GALNT12: variants seen among roughly 807,000 people sequenced by gnomAD.
GALNT12 encodes UDP-GalNAc:polypeptide N-acetylgalactosaminyltransferase 12.
Under a neutral mutation model 55.5 loss-of-function variants are expected in GALNT12, and 45 were observed. The ratio of observed to expected loss-of-function variants is 0.81; its 90% CI spans 0.64 to 1.04. The LOEUF (loss-of-function observed/expected upper bound fraction) is 1.04. Ranked by LOEUF, GALNT12 falls within the 50% of genes least tolerant of loss-of-function variation. The probability of loss-of-function intolerance (pLI) is 0.00; values close to 1 mark genes in which losing one functional copy is unlikely to be tolerated. For synonymous variants in GALNT12, 304 were observed against 312.2 expected (o/e 0.97, Z 0.28); for missense variants, 709 against 754.8 (o/e 0.94, Z 0.71).
chr9:98,809,642 A>G (rs1238191795), intron 1 of GALNT12, among the ~76,000 whole-genome samples: 1 of 152,240 alleles, frequency 6.6e-6, no homozygotes, highest in African/African-American at 2.4e-5. Context: ...GAATTAATAA[A>G]GCATCAATAC....
At chr9:98,843,492 C>T (rs1409898283) in intron 7 of GALNT12, among the ~76,000 whole-genome samples, 3 of 151,910 alleles carry the variant, frequency 2.0e-5, no homozygotes, top group Non-Finnish European at 4.4e-5. Context: ...CTGCAACCTC[C>T]GTCTTCTGGG....
intron 8 of GALNT12, 129 bp from the exon 9 acceptor site, chr9:98,845,848 C>A: frequency 1.1e-6 from 1 of 900,986 alleles, no homozygotes. Flanking sequence ...CACACAGGCT[C>A]GTGTTGGTGG....
chr9:98,843,972 T>C, intron 7 of GALNT12, 124 bp from the exon 8 acceptor site: 2 of 716,532 alleles, frequency 2.8e-6, no homozygotes, highest in Non-Finnish European at 5.1e-6. Flanking sequence ...AAAAGACTCT[T>C]ACCTTTGCGT....
intron 8 of GALNT12, among the ~76,000 whole-genome samples, chr9:98,845,718 G>T (rs761683266): frequency 6.6e-6 from 1 of 152,098 alleles, no homozygotes; most frequent in Non-Finnish European, 1.5e-5. Context: ...GAGGTGACAT[G>T]CACCAGCCCT....
intron 7 of GALNT12, 152 bp downstream of exon 7, chr9:98,840,285 C>A: frequency 1.2e-6 from 1 of 859,960 alleles, no homozygotes. Flanking sequence ...TTTTTATCCA[C>A]TGCCCTTCTT....
chr9:98,846,531 C>T (rs1836418060), intron 9 of GALNT12, among the ~76,000 whole-genome samples: 2 of 152,082 alleles, frequency 1.3e-5, no homozygotes, highest in South Asian at 4.2e-4. Flanking sequence ...ATAAGCCACC[C>T]CACCTCTCTA....
At chr9:98,845,867 G>T in intron 8 of GALNT12, 110 bp from the exon 9 acceptor site, 3 of 1,156,520 alleles carry the variant, frequency 2.6e-6, no homozygotes, top group East Asian at 2.6e-5. Context: ...GGTGACGCAG[G>T]TGCATGACCC....
chr9:98,848,099 G>A (rs1421933328), intron 9 of GALNT12, among the ~76,000 whole-genome samples: 1 of 152,200 alleles, frequency 6.6e-6, no homozygotes. Flanking sequence ...ACAGGCGTGA[G>A]CTACTGTGCC....
chr9:98,812,967 T>G (rs1835525694), intron 1 of GALNT12, among the ~76,000 whole-genome samples: 1 of 152,262 alleles, frequency 6.6e-6, no homozygotes, highest in South Asian at 2.1e-4. Flanking sequence ...CTCCAATATT[T>G]TAATTCTGTC....
intron 2 of GALNT12, among the ~76,000 whole-genome samples, chr9:98,825,024 G>C (rs868823973): frequency 2.0e-5 from 3 of 152,170 alleles, no homozygotes; most frequent in Admixed American, 1.3e-4. Context: ...CTTGGCTTCA[G>C]CCTCTATAAA....
At chr9:98,837,497 C>T (rs74974526) in intron 6 of GALNT12, among the ~76,000 whole-genome samples, 3,985 of 152,244 alleles carry the variant, frequency 0.026, 66 homozygotes, top group Middle Eastern at 0.034. Context: ...TTCAAAGACA[C>T]CTGTTTAACA....
At chr9:98,829,160 T>TCTAC (rs1835933720) in intron 3 of GALNT12, among the ~76,000 whole-genome samples, 1 of 133,596 alleles carries the variant, frequency 7.5e-6, no homozygotes, top group African/African-American at 2.7e-5. Flanking sequence ...TTTTTATCTA[T>TCTAC]CTATCTATCT....
Position 98,831,861 on chromosome 9 carries a change from C to A in GALNT12, c.821C>A (p.Pro274His), listed in dbSNP as rs1239107738. The change falls in exon 4 of 10, where the codon CCC becomes CAC. Residue 274 changes from proline (P) to histidine (H), a missense_variant. Pro to His is a moderately conservative substitution (Grantham distance 77). Transcript: ENST00000375011. ...TFEYLGNSGE[P>H]QIGGFDWRLV... ...GAATACCTGGGGAACTCCGGGGAGC[C>A]CCAGATCGGCGGTTTCGACTGGAGG... 5 of 1,614,152 alleles carry A rather than the reference C, an allele frequency of 3.1e-6. No individual in the cohort carries two copies. In the East Asian group the frequency reaches 1.1e-4, roughly 36 times the overall value.
At chr9:98,841,939 A>G (rs1489031959) in intron 7 of GALNT12, among the ~76,000 whole-genome samples, 1 of 152,008 alleles carries the variant, frequency 6.6e-6, no homozygotes, top group Non-Finnish European at 1.5e-5. Context: ...CAGCCTCCCA[A>G]ACTATTGGGA....
chr9:98,833,902 T>G (rs998087879), intron 4 of GALNT12, among the ~76,000 whole-genome samples: 1 of 152,070 alleles, frequency 6.6e-6, no homozygotes, highest in African/African-American at 2.4e-5. Flanking sequence ...TGTGCCTCAG[T>G]TATCTCATCT....
intron 7 of GALNT12, 66 bp downstream of exon 7, chr9:98,840,199 T>C: frequency 6.2e-7 from 1 of 1,603,986 alleles, no homozygotes; most frequent in Non-Finnish European, 8.5e-7. Flanking sequence ...GCTCTGCAAA[T>C]CCTGGGCAAG....
rs1835868057 is a variant in GALNT12, at chr9:98,826,821, A to G, written c.611A>G (p.Lys204Arg). The G allele has an allele frequency of 1.2e-6, 2 of 1,612,172 alleles. No homozygotes were observed. The highest frequency in any genetic ancestry group is 1.9e-4 in the Middle Eastern group (1 of 5,398). ...AAGGTGCGCCTGATCCGCGCCAACA[A>G]GAGAGAGGGCCTGGTGCGAGCCCGG... ...LPKVRLIRAN[K>R]REGLVRARLL... The change falls in exon 3 of 10, where the codon AAG becomes AGG. Residue 204 changes from lysine (K) to arginine (R), a missense_variant. By Grantham distance (26) the Lys-to-Arg change is conservative. Transcript: ENST00000375011.
chr9:98,849,327 A>G lies in GALNT12; in HGVS notation c.*235A>G, dbSNP rs943838470. ...CAAAATACCCTATTTTCAAAGGGTA[A>G]TCGTAAGATGTTAACCCTTGGTATT... On this transcript the variant is annotated 3_prime_UTR_variant, in exon 10 of 10. Transcript: ENST00000375011. 23 of 602,394 alleles carry G rather than the reference A, an allele frequency of 3.8e-5. 1 individual carries two copies. Among genetic ancestry groups the G allele is most frequent in the Admixed American group, 2.4e-4 (8 of 33,664 alleles). 37.3% of individuals were successfully genotyped at this position (602,394 alleles called of 1,614,324 possible). A position where few individuals can be genotyped will look rare whatever the true frequency, so the allele number is the denominator to read the frequency against.
At chr9:98,810,839 T>G (rs1452073248) in intron 1 of GALNT12, among the ~76,000 whole-genome samples, 1 of 152,184 alleles carries the variant, frequency 6.6e-6, no homozygotes, top group Non-Finnish European at 1.5e-5. Context: ...AGGAGGCTAA[T>G]GATGACTAGG....
Sources: allele counts gnomAD v4.1 joint callset (sites outside exome capture counted in the v4.1 genomes callset), GRCh38; gene constraint gnomAD v4.1.1; transcripts MANE v1.5; gene names NCBI Gene and HGNC (gene_info 2026-07-23, HGNC 2026-07-21).